Variants in DLG2 observed in about 807,000 individuals in gnomAD.
The protein encoded by DLG2 is discs large MAGUK scaffold protein 2.
In DLG2, 45 loss-of-function variants were observed where a neutral mutation model predicts 132.5. The ratio of observed to expected loss-of-function variants is 0.34; its 90% CI spans 0.27 to 0.44. The LOEUF (loss-of-function observed/expected upper bound fraction) is 0.44. Among genes scored for constraint, DLG2 ranks in the 20% least tolerant of loss-of-function variants. The probability of loss-of-function intolerance (pLI) is 1.00; values close to 1 mark genes in which losing one functional copy is unlikely to be tolerated. For synonymous variants in DLG2, 424 were observed against 419.6 expected, an observed-to-expected ratio of 1.01 and a Z score of -0.13; for missense variants, 1,045 against 1,196.9, an observed-to-expected ratio of 0.87 and a Z score of 1.87.
chr11:85,232,240 T>G (rs1208784980), intron 4 of DLG2, among the ~76,000 whole-genome samples: 1 of 151,996 alleles, frequency 6.6e-6, no homozygotes, highest in Non-Finnish European at 1.5e-5. Context: ...TGTCCAATTT[T>G]TTAGTTGCCT....
At chr11:85,541,207 A>G (rs926940301) in intron 3 of DLG2, among the ~76,000 whole-genome samples, 1 of 152,214 alleles carries the variant, frequency 6.6e-6, no homozygotes, top group Non-Finnish European at 1.5e-5. Flanking sequence ...TGATATAATC[A>G]CATCAGATTC....
chr11:84,199,824 AACATTCATGCAGCT>A (rs1292809203), intron 8 of DLG2, among the ~76,000 whole-genome samples: 1 of 152,112 alleles, frequency 6.6e-6, no homozygotes, highest in African/African-American at 2.4e-5. Flanking sequence ...CAAGTGGTCT[AACATTCATGCAGCT>A]GGAGTCTCAG....
intron 7 of DLG2, among the ~76,000 whole-genome samples, chr11:84,384,912 C>T (rs1601145840): frequency 6.6e-6 from 1 of 152,218 alleles, no homozygotes; most frequent in East Asian, 1.9e-4. Flanking sequence ...GCAACTTTAA[C>T]TGAGATTTTG....
intron 3 of DLG2, among the ~76,000 whole-genome samples, chr11:85,448,692 T>A (rs80241619): frequency 0.035 from 5,340 of 152,276 alleles, 144 homozygotes; most frequent in Admixed American, 0.051. Flanking sequence ...AAGTAGCCTC[T>A]ATTTAGGATC....
chr11:85,421,402 A>G (rs1597178116), intron 3 of DLG2, among the ~76,000 whole-genome samples: 1 of 150,362 alleles, frequency 6.7e-6, no homozygotes, highest in Admixed American at 6.6e-5. Flanking sequence ...CCATCTTACC[A>G]GCCATCCATC....
rs768420271 is a variant in DLG2, at chr11:84,420,650, C to CTTTTTTTTTTTTTTTTTTTTTTTT, written c.519+113896_519+113919dup. Among the ~76,000 whole-genome samples, 4 of 42,236 alleles carry CTTTTTTTTTTTTTTTTTTTTTTTT rather than the reference C, an allele frequency of 9.5e-5. 2 individuals are homozygous for CTTTTTTTTTTTTTTTTTTTTTTTT. Among genetic ancestry groups the CTTTTTTTTTTTTTTTTTTTTTTTT allele is most frequent in the Non-Finnish European group, 1.9e-4 (4 of 21,018 alleles). The allele number at this position is 42,236 out of a possible 152,430, so 27.7% of individuals were successfully genotyped here. On this transcript the variant is annotated intron_variant, in intron 7 of 27. Transcript: ENST00000376104. ...CAGCACAGTGACCAATGCTTGTTTT[C>CTTTTTTTTTTTTTTTTTTTTTTTT]TTTTTTTTTTTTTTTTTTTTTTTTT... is the stretch of plus-strand genomic sequence containing the variant.
chr11:85,498,289 G>A (rs1337352276), intron 3 of DLG2, among the ~76,000 whole-genome samples: 1 of 152,138 alleles, frequency 6.6e-6, no homozygotes, highest in East Asian at 1.9e-4. Flanking sequence ...CCTAGTCTCT[G>A]ATAAAACAGA....
intron 2 of DLG2, among the ~76,000 whole-genome samples, chr11:85,605,808 G>A (rs181657837): frequency 7.2e-5 from 11 of 152,176 alleles, no homozygotes; most frequent in East Asian, 3.9e-4. Context: ...GTGAAACCCC[G>A]TCTCTACTAA....
At chr11:83,831,522 G>C (rs532252012) in intron 17 of DLG2, among the ~76,000 whole-genome samples, 1 of 152,066 alleles carries the variant, frequency 6.6e-6, no homozygotes, top group East Asian at 1.9e-4. Flanking sequence ...GTGTGTGTGT[G>C]TGTGTATGTC....
chr11:84,831,412 T>A (rs1003741790), intron 6 of DLG2, among the ~76,000 whole-genome samples: 4 of 151,626 alleles, frequency 2.6e-5, no homozygotes, highest in African/African-American at 9.7e-5. Flanking sequence ...AAAAATAAAC[T>A]GAGATAACTA....
intron 2 of DLG2, among the ~76,000 whole-genome samples, chr11:85,603,831 C>G (rs2080333217): frequency 6.6e-6 from 1 of 152,160 alleles, no homozygotes; most frequent in African/African-American, 2.4e-5. Flanking sequence ...ATGGGAGGAT[C>G]ATTTAAGCCC....
intron 18 of DLG2, among the ~76,000 whole-genome samples, chr11:83,732,681 A>C (rs2091235456): frequency 6.6e-6 from 1 of 152,186 alleles, no homozygotes; most frequent in African/African-American, 2.4e-5. Context: ...CTTTCCTGCA[A>C]ATTAAACAAT....
rs184403972 is a variant in DLG2, at chr11:83,832,523, A to C, written c.1722+1091T>G. Among the ~76,000 whole-genome samples, 30 of 152,282 alleles carry C rather than the reference A, an allele frequency of 2.0e-4. 1 individual carries two copies. Among genetic ancestry groups the C allele is most frequent in the African/African-American group, 7.2e-4 (30 of 41,556 alleles). ...ACAGGAACAGAAAGCCAAATACCAC[A>C]TGTTCTTACTTATAAGTGGGAGCGA... On this transcript the variant is annotated intron_variant, in intron 17 of 27. Coordinates refer to ENST00000376104, the MANE Select transcript of DLG2 (RefSeq NM_001142699.3).
intron 5 of DLG2, among the ~76,000 whole-genome samples, chr11:85,121,155 C>T (rs958923987): frequency 1.3e-5 from 2 of 151,682 alleles, no homozygotes; most frequent in African/African-American, 4.8e-5. Flanking sequence ...AAAAAGTAGC[C>T]GAACTGCTGT....
rs1014979618 is a variant in DLG2 at position 85,223,601 on chromosome 11, T to C, written c.186+61619A>G. Among the ~76,000 whole-genome samples, 12 of 152,240 alleles carry C rather than the reference T, an allele frequency of 7.9e-5. 1 individual carries two copies. In the East Asian group the frequency reaches 2.3e-3, roughly 29 times the overall value. ...TTGCAGTGAACTGAAATAATGCCAC[T>C]GCACTCCAGTTTGGGCAATAGAAGG... On this transcript the variant is annotated intron_variant, in intron 4 of 27. Coordinates refer to ENST00000376104, the MANE Select transcript of DLG2 (RefSeq NM_001142699.3).
intron 9 of DLG2, among the ~76,000 whole-genome samples, chr11:84,160,514 AG>A (rs2095523690): frequency 1.3e-5 from 2 of 152,144 alleles, no homozygotes; most frequent in Non-Finnish European, 1.5e-5. Flanking sequence ...TGAGGTAATA[AG>A]GGGGAGCTAA....
chr11:85,617,268 T>C (rs1217982697), intron 2 of DLG2, among the ~76,000 whole-genome samples: 2 of 152,226 alleles, frequency 1.3e-5, no homozygotes, highest in African/African-American at 2.4e-5. Context: ...TGTGATTATA[T>C]AGTTCAAGGC....
chr11:85,305,832 T>A (rs2079905102), intron 3 of DLG2, among the ~76,000 whole-genome samples: 1 of 152,180 alleles, frequency 6.6e-6, no homozygotes, highest in Non-Finnish European at 1.5e-5. Context: ...TCTTTTATAC[T>A]GTGAAAGGAA....
intron 5 of DLG2, among the ~76,000 whole-genome samples, chr11:85,147,986 G>C (rs1180879481): frequency 6.6e-6 from 1 of 151,704 alleles, no homozygotes. Flanking sequence ...TCCAGCTGAT[G>C]AATGAGAACT....
Sources: allele counts gnomAD v4.1 joint callset (sites outside exome capture counted in the v4.1 genomes callset), GRCh38; gene constraint gnomAD v4.1.1; transcripts MANE v1.5; gene names NCBI Gene and HGNC (gene_info 2026-07-23, HGNC 2026-07-21).